The following COL15A1 variants were observed in gnomAD, a reference collection of about 807,000 sequenced individuals.
The protein encoded by COL15A1 is collagen type XV alpha 1 chain, also known as collagen alpha-1(XV) chain.
A neutral mutation model predicts 165.9 loss-of-function variants in COL15A1; 111 were observed. That is an observed-to-expected ratio of 0.67 (90% confidence interval 0.57 to 0.78). COL15A1 has a LOEUF of 0.78. Among genes scored for constraint, COL15A1 ranks in the 30% least tolerant of loss-of-function variants. COL15A1 has a pLI of 0.00. For missense variants in COL15A1, 1,745 were observed against 1,789.7 expected (o/e 0.98, Z 0.45); for synonymous variants, 659 against 674.8 (o/e 0.98, Z 0.36).
intron 32 of COL15A1, 35 bp downstream of exon 32, chr9:99,054,691 T>C: frequency 2.5e-6 from 4 of 1,587,956 alleles, no homozygotes; most frequent in Non-Finnish European, 3.4e-6. Context: ...TTGCCTTTGA[T>C]TTTTTGCTCC....
At chr9:98,991,250 C>G (rs1444418980) in intron 5 of COL15A1, among the ~76,000 whole-genome samples, 1 of 58,730 alleles carries the variant, frequency 1.7e-5, no homozygotes, top group East Asian at 3.9e-4. Flanking sequence ...GCTTTTGTTC[C>G]CTTATCTGAC....
intron 2 of COL15A1, among the ~76,000 whole-genome samples, chr9:98,963,538 G>T (rs1348667537): frequency 6.6e-6 from 1 of 152,226 alleles, no homozygotes; most frequent in Non-Finnish European, 1.5e-5. Context: ...AAATTCCCCA[G>T]TGCTGCTTGA....
At chr9:98,986,652 C>T (rs1434007152) in intron 3 of COL15A1, among the ~76,000 whole-genome samples, 1 of 152,158 alleles carries the variant, frequency 6.6e-6, no homozygotes, top group Non-Finnish European at 1.5e-5. Flanking sequence ...ATAAGGCATT[C>T]TAAAGATCAC....
chr9:99,031,280 C>T (rs1342247361), intron 16 of COL15A1, among the ~76,000 whole-genome samples: 1 of 152,160 alleles, frequency 6.6e-6, no homozygotes, highest in Non-Finnish European at 1.5e-5. Flanking sequence ...CATTCCTAGG[C>T]CAAGAACTGG....
At chr9:98,992,254 G>A (rs1838452283) in intron 5 of COL15A1, among the ~76,000 whole-genome samples, 1 of 152,264 alleles carries the variant, frequency 6.6e-6, no homozygotes, top group Admixed American at 6.5e-5. Flanking sequence ...TGCCCTGCGG[G>A]AAGGCGGCTG....
Position 99,024,277 on chromosome 9 carries a change from G to GTTTTTTTTTT in COL15A1, c.1855-590_1855-589insTTTTTTTTTT, listed in dbSNP as rs773196929. Among the ~76,000 whole-genome samples the GTTTTTTTTTT allele has an allele frequency of 3.4e-4, 37 of 108,636 alleles. 1 individual carries two copies. The highest frequency in any genetic ancestry group is 7.0e-4 in the African/African-American group (19 of 27,068). The allele number at this position is 108,636 out of a possible 152,430, so 71.3% of individuals were successfully genotyped here. A position where few individuals can be genotyped will look rare whatever the true frequency, so the allele number is the denominator to read the frequency against. On this transcript the variant is annotated intron_variant, in intron 14 of 41. Coordinates refer to ENST00000375001, the MANE Select transcript of COL15A1 (RefSeq NM_001855.5). ...GGCTACACCACAAGCAGTTTTTTTTGTTTTTTTGTTTTTTTTTTTTTGAGA... is the reference window on the plus strand; with the variant it reads ...GGCTACACCACAAGCAGTTTTTTTTGTTTTTTTTTTTTTTTTTGTTTTTTTTTTTTTGAGA...
rs878947040 is a variant in COL15A1, at chr9:99,038,572, G to A, written c.2410-96G>A. 76 of 784,328 alleles carry A rather than the reference G, an allele frequency of 9.7e-5. 1 individual carries two copies. In the South Asian group the frequency reaches 9.7e-4, roughly 10 times the overall value. 48.6% of individuals were successfully genotyped at this position (784,328 alleles called of 1,614,324 possible). A position where few individuals can be genotyped will look rare whatever the true frequency, so the allele number is the denominator to read the frequency against. The stretch of plus-strand genomic sequence containing the variant: ...GCGTTCTCAGTGTCTGCGGTGTTCC[G>A]CTATGCTGGGTGACTTTAATTAAAG... On this transcript the variant is annotated intron_variant, in intron 21 of 41. Transcript: ENST00000375001.
At chr9:98,956,591 TG>T (rs894551535) in intron 2 of COL15A1, among the ~76,000 whole-genome samples, 48 of 152,320 alleles carry the variant, frequency 3.2e-4, no homozygotes, top group Admixed American at 3.3e-4. Context: ...CCTTGTGAAA[TG>T]AAGAAATTCA....
intron 26 of COL15A1, among the ~76,000 whole-genome samples, chr9:99,047,340 A>T (rs1449292715): frequency 1.3e-5 from 2 of 152,218 alleles, no homozygotes; most frequent in Admixed American, 6.5e-5. Flanking sequence ...AGAGTGGGTT[A>T]TCAGGCCAGG....
chr9:98,979,651 T>TTAC (rs1838201049), intron 2 of COL15A1, among the ~76,000 whole-genome samples: 1 of 151,194 alleles, frequency 6.6e-6, no homozygotes, highest in Non-Finnish European at 1.5e-5. Context: ...ATTATCTTTA[T>TTAC]TATTATTATT....
At chr9:98,987,041 C>T (rs78492181) in intron 3 of COL15A1, among the ~76,000 whole-genome samples, 3,492 of 152,168 alleles carry the variant, frequency 0.023, 151 homozygotes, top group East Asian at 0.097. Context: ...CTGTGGTGTG[C>T]ACACTTGAAC....
chr9:99,031,396 A>G (rs1296005765), intron 16 of COL15A1, among the ~76,000 whole-genome samples: 1 of 152,064 alleles, frequency 6.6e-6, no homozygotes, highest in Non-Finnish European at 1.5e-5. Context: ...TCAGGTGGAA[A>G]CCCTCACCTA....
chr9:99,032,379 G>A (rs139802650), intron 16 of COL15A1, among the ~76,000 whole-genome samples: 79 of 151,970 alleles, frequency 5.2e-4, no homozygotes, highest in Non-Finnish European at 8.5e-4. Flanking sequence ...TAGTAGAGAC[G>A]GGGTTTCACC....
chr9:99,024,754 G>A, intron 14 of COL15A1, 120 bp from the exon 15 acceptor site: 1 of 1,181,000 alleles, frequency 8.5e-7, no homozygotes, highest in Non-Finnish European at 1.2e-6. Flanking sequence ...TCTGCTAAGT[G>A]GGATCACCAA....
intron 5 of COL15A1, among the ~76,000 whole-genome samples, chr9:98,992,146 G>A (rs769887005): frequency 5.2e-5 from 8 of 152,386 alleles, no homozygotes; most frequent in East Asian, 1.9e-4. Flanking sequence ...GGGAACAGCC[G>A]CCGCAGAGCA....
intron 28 of COL15A1, 92 bp downstream of exon 28, chr9:99,048,092 T>C (rs1839523933): frequency 2.6e-6 from 2 of 766,132 alleles, no homozygotes; most frequent in Non-Finnish European, 4.6e-6. Flanking sequence ...GACTGAATGT[T>C]CAGGAATGTT....
chr9:99,039,655 T>C (rs1217541419), intron 22 of COL15A1, among the ~76,000 whole-genome samples: 1 of 152,206 alleles, frequency 6.6e-6, no homozygotes, highest in African/African-American at 2.4e-5. Flanking sequence ...CATCTGCTGG[T>C]CAGCACAGGA....
intron 36 of COL15A1, among the ~76,000 whole-genome samples, chr9:99,061,444 A>G (rs1247281807): frequency 6.6e-6 from 1 of 152,198 alleles, no homozygotes; most frequent in African/African-American, 2.4e-5. Context: ...ACAGACCTCC[A>G]TTTTCTATCA....
chr9:98,958,939 A>G (rs1241015740), intron 2 of COL15A1, among the ~76,000 whole-genome samples: 1 of 151,874 alleles, frequency 6.6e-6, no homozygotes, highest in Non-Finnish European at 1.5e-5. Context: ...GATGCGCCCC[A>G]TTTCTAAGAG....
Sources: allele counts gnomAD v4.1 joint callset (sites outside exome capture counted in the v4.1 genomes callset), GRCh38; gene constraint gnomAD v4.1.1; transcripts MANE v1.5; gene names NCBI Gene and HGNC (gene_info 2026-07-23, HGNC 2026-07-21).